The following ADAM22 variants were observed in gnomAD, a reference collection of about 807,000 sequenced individuals.
ADAM22 encodes ADAM metallopeptidase domain 22.
In ADAM22, 65 loss-of-function variants were observed where a neutral mutation model predicts 144.6. That is an observed-to-expected ratio of 0.45 (90% confidence interval 0.37 to 0.55). The LOEUF (loss-of-function observed/expected upper bound fraction) is 0.55, where lower values mean the gene tolerates loss of function less well. Ranked by LOEUF, ADAM22 falls within the 20% of genes least tolerant of loss-of-function variation. The pLI is 0.00. For missense variants in ADAM22, 974 were observed against 1,184.9 expected, an observed-to-expected ratio of 0.82 and a Z score of 2.61; for synonymous variants, 391 against 412.6, an observed-to-expected ratio of 0.95 and a Z score of 0.63.
intron 3 of ADAM22, among the ~76,000 whole-genome samples, chr7:87,982,324 C>T (rs998841065): frequency 5.3e-5 from 8 of 151,778 alleles, no homozygotes; most frequent in Non-Finnish European, 8.8e-5. Flanking sequence ...ATAGCACATT[C>T]GAGAATTGGT....
intron 2 of ADAM22, among the ~76,000 whole-genome samples, chr7:87,961,027 G>A (rs983568098): frequency 6.6e-6 from 1 of 152,130 alleles, no homozygotes; most frequent in Non-Finnish European, 1.5e-5. Flanking sequence ...TATATGGTAT[G>A]TTCAAAGGTG....
rs541273733 is a variant in ADAM22 at position 88,178,778 on chromosome 7, A to T, written c.2301-157A>T. The stretch of plus-strand genomic sequence containing the variant: ...GGCCTCTACAGTTAGAATGACTTTA[A>T]CTTGTCTCATTTATTGATAATTTTA... On this transcript the variant is annotated intron_variant, in intron 26 of 31. Transcript: ENST00000413139. 2.6e-5 allele frequency among the ~76,000 whole-genome samples: 4 copies of T among 152,208 alleles called. No individual in the cohort carries two copies. The East Asian group carries it at 7.7e-4, about 29-fold the overall frequency.
In ADAM22 at chr7:88,130,565, T is replaced by G. The variant is rs970437404; in HGVS notation, c.825+106T>G. On this transcript the variant is annotated intron_variant, in intron 10 of 31. Transcript: ENST00000413139. ...TAGTTTTACTGCTCTATGTTGCACT[T>G]CAGCCAAGGTGTCTAGTAAGTTCCG... 20 of 1,084,642 alleles carry G rather than the reference T, an allele frequency of 1.8e-5. No individual in the cohort carries two copies. In the African/African-American group the frequency reaches 3.1e-4, roughly 17 times the overall value. 67.2% of individuals were successfully genotyped at this position (1,084,642 alleles called of 1,614,324 possible).
rs546550810 is a variant in ADAM22, at chr7:88,120,983, G to A, written c.607+4169G>A. On this transcript the variant is annotated intron_variant, in intron 7 of 31. Coordinates refer to ENST00000413139, the MANE Select transcript of ADAM22 (RefSeq NM_001324418.2). ...AGTTTTATTTTATTATTTTGTATGT[G>A]GATACACAATTATTTTAATACCATT... 1.7e-4 allele frequency among the ~76,000 whole-genome samples: 26 copies of A among 151,982 alleles called. 1 individual carries two copies. The South Asian group carries it at 5.4e-3, about 32-fold the overall frequency.
intron 6 of ADAM22, among the ~76,000 whole-genome samples, chr7:88,115,505 T>C (rs1334890561): frequency 1.3e-5 from 2 of 152,118 alleles, no homozygotes; most frequent in African/African-American, 4.8e-5. Flanking sequence ...GCCTTCTCAC[T>C]GTGTTCTCAC....
chr7:88,150,862 A>G (rs1838136562), intron 18 of ADAM22, 119 bp from the exon 19 acceptor site: 2 of 741,474 alleles, frequency 2.7e-6, no homozygotes, highest in Middle Eastern at 2.8e-4. Context: ...TGTTTTATAG[A>G]TGGTATAAGG....
At position 88,186,673 on chromosome 7, in the gene ADAM22, A is replaced by G. The variant is rs1260131173; in HGVS notation, c.2722A>G (p.Asn908Asp). 3.7e-6 allele frequency: 6 copies of G among 1,611,152 alleles called. 1 individual carries two copies. Among genetic ancestry groups the G allele is most frequent in the Non-Finnish European group, 5.1e-6 (6 of 1,177,352 alleles). The change falls in exon 30 of 32, where the codon AAT (asparagine) becomes GAT (aspartate). Residue 908 changes from asparagine (N) to aspartate (D), a missense_variant. Asn to Asp is a conservative substitution (Grantham distance 23). Coordinates refer to ENST00000413139, the MANE Select transcript of ADAM22 (RefSeq NM_001324418.2). ...YNVAKWVEDV[N>D]KNTEGPYFRT... ...TGTAGCTAAGTGGGTAGAAGATGTG[A>G]ATAAAAACACTGAAGGACCATACTT...
At chr7:88,180,550 TATTCCATTAACCAG>T (rs1486713135) in intron 27 of ADAM22, among the ~76,000 whole-genome samples, 12 of 152,072 alleles carry the variant, frequency 7.9e-5, no homozygotes, top group Admixed American at 3.3e-4. Context: ...TTTCTATTAT[TATTCCATTAACCAG>T]ATTCCATTAA....
At chr7:88,096,162 A>G (rs1302291304) in intron 4 of ADAM22, among the ~76,000 whole-genome samples, 3 of 151,546 alleles carry the variant, frequency 2.0e-5, no homozygotes, top group African/African-American at 7.3e-5. Context: ...ACCTCAAGCA[A>G]TCCTCTCGCC....
intron 3 of ADAM22, among the ~76,000 whole-genome samples, chr7:88,009,221 C>G (rs899240345): frequency 6.6e-6 from 1 of 152,238 alleles, no homozygotes; most frequent in East Asian, 1.9e-4. Context: ...TGTCCTCATT[C>G]ATTAGGATAC....
At chr7:88,174,521 A>G (rs1241742168) in intron 26 of ADAM22, among the ~76,000 whole-genome samples, 2 of 152,148 alleles carry the variant, frequency 1.3e-5, no homozygotes, top group East Asian at 3.8e-4. Flanking sequence ...ATTATTGTTT[A>G]TATTATAGCA....
At chr7:88,143,247 T>G in intron 15 of ADAM22, 122 bp downstream of exon 15, 1 of 621,414 alleles carries the variant, frequency 1.6e-6, no homozygotes, top group Middle Eastern at 4.6e-4. Context: ...ATGTACATAT[T>G]CTAGATATGC....
chr7:87,951,125 C>T (rs1379090013), intron 2 of ADAM22, among the ~76,000 whole-genome samples: 1 of 151,824 alleles, frequency 6.6e-6, no homozygotes, highest in Non-Finnish European at 1.5e-5. Context: ...TTTTGCTGTG[C>T]AGAAGTTCTT....
chr7:88,144,639 T>C (rs1314338610), intron 15 of ADAM22, among the ~76,000 whole-genome samples: 1 of 152,156 alleles, frequency 6.6e-6, no homozygotes, highest in Non-Finnish European at 1.5e-5. Flanking sequence ...AATTTTCTGA[T>C]GTGGATGGAC....
At chr7:88,177,198 T>C (rs1476558603) in intron 26 of ADAM22, among the ~76,000 whole-genome samples, 2 of 152,190 alleles carry the variant, frequency 1.3e-5, no homozygotes, top group Non-Finnish European at 2.9e-5. Context: ...GGGATTCTTT[T>C]ACAAATATTA....
chr7:87,995,178 A>G (rs573312486), intron 3 of ADAM22, among the ~76,000 whole-genome samples: 3 of 152,336 alleles, frequency 2.0e-5, no homozygotes, highest in African/African-American at 7.2e-5. Context: ...ATGTTAATCT[A>G]TCCTTCCCTC....
chr7:88,178,798 A>G, intron 26 of ADAM22, 137 bp from the exon 27 acceptor site: 1 of 451,754 alleles, frequency 2.2e-6, no homozygotes, highest in Non-Finnish European at 3.9e-6. Context: ...TTTATTGATA[A>G]TTTTATGTGT....
At chr7:88,088,560 A>G (rs1228185510) in intron 4 of ADAM22, among the ~76,000 whole-genome samples, 1 of 152,114 alleles carries the variant, frequency 6.6e-6, no homozygotes, top group Non-Finnish European at 1.5e-5. Flanking sequence ...TCACTTAGAA[A>G]ATTTTAAATA....
chr7:87,953,411 T>C (rs1466310333), intron 2 of ADAM22, among the ~76,000 whole-genome samples: 2 of 152,230 alleles, frequency 1.3e-5, no homozygotes, highest in African/African-American at 2.4e-5. Flanking sequence ...CCAGTAGTCA[T>C]TCAGGAGCAG....
Sources: gnomAD v4.1 joint callset for allele counts (sites outside exome capture counted in the v4.1 genomes callset) on GRCh38, gnomAD v4.1.1 for gene constraint, MANE v1.5 for transcripts, NCBI Gene and HGNC (gene_info 2026-07-23, HGNC 2026-07-21) for gene names.